The following DHX40 variants were observed in gnomAD, a reference collection of about 807,000 sequenced individuals.
The protein encoded by DHX40 is probable ATP-dependent RNA helicase DHX40.
DHX40 carries 28 observed loss-of-function variants against 89.6 expected under a neutral mutation model. The observed-to-expected ratio is 0.31, with a 90% CI of 0.23 to 0.43. The LOEUF (loss-of-function observed/expected upper bound fraction) is 0.43. Among genes scored for constraint, DHX40 ranks in the 20% least tolerant of loss-of-function variants. The pLI is 1.00. For synonymous variants in DHX40, 226 were observed against 283.6 expected, an observed-to-expected ratio of 0.80 and a Z score of 2.04; for missense variants, 457 against 844.0, an observed-to-expected ratio of 0.54 and a Z score of 5.68.
intron 12 of DHX40, among the ~76,000 whole-genome samples, chr17:59,591,077 G>C (rs1425201758): frequency 6.6e-6 from 1 of 151,514 alleles, no homozygotes; most frequent in Non-Finnish European, 1.5e-5. Flanking sequence ...GGGAGGCTGA[G>C]GCAGGTGGGT....
At chr17:59,570,194 A>T (rs997779938) in intron 2 of DHX40, among the ~76,000 whole-genome samples, 41 of 118,734 alleles carry the variant, frequency 3.5e-4, no homozygotes, top group Non-Finnish European at 5.7e-4. Flanking sequence ...ATAATATATA[A>T]TATATTATAA....
At chr17:59,568,972 G>T (rs2048747726) in intron 2 of DHX40, among the ~76,000 whole-genome samples, 2 of 152,058 alleles carry the variant, frequency 1.3e-5, no homozygotes, top group Admixed American at 1.3e-4. Context: ...GAGTAGCCAG[G>T]CTCCTGAGTA....
rs1047277844 is a variant in DHX40, at chr17:59,607,449, T to C, written c.*277T>C. ...AATATTTTCCTCAGTACAATTTTGC[T>C]GGCCTTAACTGGTATCAAACGCTGT... On this transcript the variant is annotated 3_prime_UTR_variant, in exon 18 of 18. Coordinates refer to ENST00000251241, the MANE Select transcript of DHX40 (RefSeq NM_024612.5). 5.8e-5 allele frequency: 35 copies of C among 607,462 alleles called. No individual in the cohort carries two copies. The African/African-American group carries it at 5.9e-4, about 10-fold the overall frequency. 37.6% of individuals were successfully genotyped at this position (607,462 alleles called of 1,614,324 possible).
Position 59,607,302 on chromosome 17 carries a change from C to CAAATCAAAGCTCAT in DHX40, c.*145_*158dup. ...TTGTTATTGGCCTATGAACTAAAAG[C>CAAATCAAAGCTCAT]AAATCAAAGCTCATAAATCAAAGCT... On this transcript the variant is annotated 3_prime_UTR_variant, in exon 18 of 18. Transcript: ENST00000251241. The CAAATCAAAGCTCAT allele has an allele frequency of 6.4e-7, 1 of 1,558,990 alleles. No homozygotes were observed. Among genetic ancestry groups the CAAATCAAAGCTCAT allele is most frequent in the East Asian group, 2.3e-5 (1 of 43,774 alleles).
chr17:59,595,396 A>G (rs1215665961), intron 12 of DHX40, among the ~76,000 whole-genome samples: 1 of 152,236 alleles, frequency 6.6e-6, no homozygotes, highest in Admixed American at 6.5e-5. Context: ...TTTTCAATAA[A>G]TATATTGGAA....
At chr17:59,579,092 G>T (rs1434836076) in intron 8 of DHX40, among the ~76,000 whole-genome samples, 2 of 112,472 alleles carry the variant, frequency 1.8e-5, no homozygotes, top group African/African-American at 3.1e-5. Context: ...TCCATTAATG[G>T]TTAATGGACA....
At position 59,575,449 on chromosome 17, in the gene DHX40, G is replaced by A. The variant is rs150993078; in HGVS notation, c.951G>A (p.Pro317=). The A allele has an allele frequency of 2.0e-3, 3,173 of 1,612,534 alleles. 8 individuals are homozygous for A. The highest frequency in any genetic ancestry group is 2.4e-3 in the Non-Finnish European group (2,824 of 1,179,500). ...CCCTCGATGGCTTGTTAATATTGCC[G>A]TGTTATGGATCAATGACAACAGGTA... The part of the protein sequence containing the change: ...DTTLDGLLIL[P]CYGSMTTDQQ... The change falls in exon 7 of 18, where the codon CCG becomes CCA. Residue 317 remains proline (P), a synonymous_variant. Coordinates refer to ENST00000251241, the MANE Select transcript of DHX40 (RefSeq NM_024612.5).
At chr17:59,570,103 T>TAATATATATATAATATATATATATA (rs1567857939) in intron 2 of DHX40, among the ~76,000 whole-genome samples, 70 of 127,786 alleles carry the variant, frequency 5.5e-4, no homozygotes, top group Non-Finnish European at 1.0e-3. Context: ...ATAGTATATA[T>TAATATATATATAATATATATATATA]TATAATATAT....
At chr17:59,570,910 A>G (rs1369156893) in intron 3 of DHX40, among the ~76,000 whole-genome samples, 1 of 152,164 alleles carries the variant, frequency 6.6e-6, no homozygotes, top group East Asian at 1.9e-4. Flanking sequence ...TTCAAAGTTC[A>G]ATATATATTT....
At chr17:59,578,085 A>AT (rs2048910169) in intron 8 of DHX40, among the ~76,000 whole-genome samples, 1 of 152,058 alleles carries the variant, frequency 6.6e-6, no homozygotes, top group African/African-American at 2.4e-5. Context: ...ACACTAAGAA[A>AT]TTTTAAGTCT....
Position 59,588,188 on chromosome 17 carries a change from C to A in DHX40, c.1582+135C>A, listed in dbSNP as rs1598159996. 3 of 1,044,660 alleles carry A rather than the reference C, an allele frequency of 2.9e-6. No homozygotes were observed. The African/African-American group carries it at 5.3e-5, about 18-fold the overall frequency. The allele number at this position is 1,044,660 out of a possible 1,614,324, so 64.7% of individuals were successfully genotyped here. On this transcript the variant is annotated intron_variant, in intron 12 of 17. Transcript: ENST00000251241. ...TTGAGGTCAGAAGTTGGAAGACCAG[C>A]CTTACCAACATGGTAAAACCCCATC...
chr17:59,570,693 T>C, intron 3 of DHX40, 30 bp downstream of exon 3: 1 of 1,590,584 alleles, frequency 6.3e-7, no homozygotes, highest in Non-Finnish European at 8.6e-7. Context: ...ATTTGTTTCT[T>C]TTCTTTTATG....
chr17:59,602,649 A>ATT, intron 15 of DHX40, 33 bp downstream of exon 15: 3 of 1,521,406 alleles, frequency 2.0e-6, no homozygotes, highest in Non-Finnish European at 2.7e-6. Context: ...ATGGATCAAG[A>ATT]TATAATACTG....
At position 59,570,176 on chromosome 17, in the gene DHX40, TA is replaced by T. The variant is rs1240581319; in HGVS notation, c.281-340del. Among the ~76,000 whole-genome samples the T allele has an allele frequency of 1.1e-3, 140 of 123,838 alleles. 1 individual carries two copies. Among genetic ancestry groups the T allele is most frequent in the African/African-American group, 4.4e-3 (135 of 30,434 alleles). The allele number at this position is 123,838 out of a possible 152,430, so 81.2% of individuals were successfully genotyped here. On this transcript the variant is annotated intron_variant, in intron 2 of 17. Transcript: ENST00000251241. ...ATAATACATATAATATGTTATATAT[TA>T]ATATATATAATATATAATATATTAT... is the stretch of plus-strand genomic sequence containing the variant.
rs1241876565 is a variant in DHX40, at chr17:59,566,607, T to A, written c.113-20T>A. The A allele has an allele frequency of 6.4e-7, 1 of 1,562,836 alleles. No individual in the cohort carries two copies. The highest frequency in any genetic ancestry group is 1.4e-5 in the African/African-American group (1 of 71,582). On this transcript the variant is annotated intron_variant, in intron 1 of 17. Transcript: ENST00000251241. ...TATCTTTACAAGTCTTTTAATTGAC[T>A]TGTTTTTCTGTTATTACAGAAGAGA...
intron 14 of DHX40, among the ~76,000 whole-genome samples, chr17:59,601,122 CAGTG>C (rs2030493868): frequency 1.3e-5 from 2 of 148,246 alleles, no homozygotes; most frequent in Admixed American, 6.8e-5. Flanking sequence ...CTGGGCAACA[CAGTG>C]AGACCTTGTC....
chr17:59,593,928 G>A (rs1222097119), intron 12 of DHX40, among the ~76,000 whole-genome samples: 1 of 148,766 alleles, frequency 6.7e-6, no homozygotes, highest in African/African-American at 2.5e-5. Flanking sequence ...TCAGTGATTG[G>A]TCGGAGGTTG....
chr17:59,606,829 G>A (rs2030889589), intron 17 of DHX40, among the ~76,000 whole-genome samples: 1 of 151,912 alleles, frequency 6.6e-6, no homozygotes, highest in Non-Finnish European at 1.5e-5. Context: ...CTTGAATTAG[G>A]GTCAGTTTTT....
intron 11 of DHX40, among the ~76,000 whole-genome samples, chr17:59,587,169 A>AAG (rs2049010638): frequency 6.6e-6 from 1 of 151,488 alleles, no homozygotes; most frequent in African/African-American, 2.4e-5. Context: ...AAAAAAAAAA[A>AAG]CGGTAAAATT....
Sources: allele counts gnomAD v4.1 joint callset (sites outside exome capture counted in the v4.1 genomes callset), GRCh38; gene constraint gnomAD v4.1.1; transcripts MANE v1.5; gene names NCBI Gene and HGNC (gene_info 2026-07-23, HGNC 2026-07-21).